The following GLIS3 variants were observed in gnomAD, a reference collection of about 807,000 sequenced individuals.
GLIS3 encodes the protein GLIS family zinc finger 3, also known as zinc finger protein GLIS3.
In GLIS3, 53 loss-of-function variants were observed where a neutral mutation model predicts 78.6. The ratio of observed to expected loss-of-function variants is 0.67; its 90% CI spans 0.54 to 0.85. The LOEUF (loss-of-function observed/expected upper bound fraction) is 0.85, where lower values mean the gene tolerates loss of function less well. Among genes scored for constraint, GLIS3 ranks in the 40% least tolerant of loss-of-function variants. The probability of loss-of-function intolerance (pLI) is 0.00; values close to 1 mark genes in which losing one functional copy is unlikely to be tolerated. For synonymous variants in GLIS3, 684 were observed against 509.9 expected (o/e 1.34, Z -4.60); for missense variants, 1,703 against 1,231.1 (o/e 1.38, Z -5.74).
At chr9:4,483,428 AGGTGTT>A in the GLIS3 span, among the ~76,000 whole-genome samples, 9 of 152,222 alleles carry the variant, frequency 5.9e-5, no homozygotes, top group East Asian at 1.4e-3. Context: ...CTTACATAAG[AGGTGTT>A]GGTGGCTGGG....
rs962336770 is a variant in GLIS3, at chr9:3,978,394, C to G, written c.1711-41205G>C. Among the ~76,000 whole-genome samples the G allele has an allele frequency of 1.3e-5, 2 of 151,944 alleles. 1 individual carries two copies. Among genetic ancestry groups the G allele is most frequent in the South Asian group, 4.1e-4 (2 of 4,822 alleles). On this transcript the variant is annotated intron_variant, in intron 4 of 10. Coordinates refer to ENST00000381971, the MANE Select transcript of GLIS3 (RefSeq NM_001042413.2). ...ACTTTGATGGGAATATGTGTGTACA[C>G]TTTTCTTTAAAAAATAAAACCATTC...
At chr9:4,416,728 T>G in the GLIS3 span, among the ~76,000 whole-genome samples, 1 of 151,910 alleles carries the variant, frequency 6.6e-6, no homozygotes, top group African/African-American at 2.4e-5. Context: ...CTTATTAAGG[T>G]TGACAGACTC....
chr9:4,264,435 T>A (rs970212882), intron 2 of GLIS3, among the ~76,000 whole-genome samples: 5 of 152,230 alleles, frequency 3.3e-5, no homozygotes, highest in Non-Finnish European at 7.3e-5. Flanking sequence ...CACGATGTCC[T>A]TTTTTAAAAT....
At chr9:4,281,878 T>G (rs1827587260) in intron 2 of GLIS3, among the ~76,000 whole-genome samples, 1 of 152,198 alleles carries the variant, frequency 6.6e-6, no homozygotes, top group African/African-American at 2.4e-5. Context: ...TATCCCTGTT[T>G]CCTTCTAAAT....
chr9:3,973,924 T>A (rs1185246675), intron 4 of GLIS3, among the ~76,000 whole-genome samples: 1 of 152,198 alleles, frequency 6.6e-6, no homozygotes, highest in Non-Finnish European at 1.5e-5. Context: ...AATTTTTTAT[T>A]GTAATCTCAA....
At chr9:4,165,168 C>T (rs912454616) in intron 2 of GLIS3, among the ~76,000 whole-genome samples, 2 of 152,118 alleles carry the variant, frequency 1.3e-5, no homozygotes, top group African/African-American at 2.4e-5. Flanking sequence ...TGGCCGAGCA[C>T]GATGGCTCAC....
chr9:4,196,087 C>A (rs1023801431), intron 2 of GLIS3, among the ~76,000 whole-genome samples: 1 of 152,138 alleles, frequency 6.6e-6, no homozygotes, highest in Non-Finnish European at 1.5e-5. Context: ...AGCACTCTGT[C>A]TAGCTCAAGG....
chr9:4,053,417 C>T (rs1010329715), intron 4 of GLIS3, among the ~76,000 whole-genome samples: 25 of 152,080 alleles, frequency 1.6e-4, no homozygotes, highest in African/African-American at 5.8e-4. Context: ...ACTTTGCTGA[C>T]ATCATTGTTT....
At chr9:3,857,785 G>C (rs1028123760) in intron 8 of GLIS3, among the ~76,000 whole-genome samples, 1 of 152,182 alleles carries the variant, frequency 6.6e-6, no homozygotes, top group East Asian at 1.9e-4. Context: ...TAGCTTGAGA[G>C]AAAACACAGC....
At chr9:4,200,118 G>T (rs1436792123) in intron 2 of GLIS3, among the ~76,000 whole-genome samples, 1 of 152,210 alleles carries the variant, frequency 6.6e-6, no homozygotes, top group Non-Finnish European at 1.5e-5. Context: ...TGAAAACAGA[G>T]ATACAGCATA....
chr9:4,203,302 T>C (rs774049696), intron 2 of GLIS3, among the ~76,000 whole-genome samples: 12 of 152,068 alleles, frequency 7.9e-5, no homozygotes, highest in Admixed American at 2.6e-4. Context: ...AGAATGGCTG[T>C]TATTAAAAAG....
intron 2 of GLIS3, among the ~76,000 whole-genome samples, chr9:4,344,743 C>T (rs750757463): frequency 6.6e-6 from 1 of 152,206 alleles, no homozygotes; most frequent in Non-Finnish European, 1.5e-5. Flanking sequence ...TGAATTTTCT[C>T]CTCCTAAAAT....
intron 8 of GLIS3, among the ~76,000 whole-genome samples, chr9:3,869,960 G>C (rs1563796235): frequency 6.6e-6 from 1 of 152,148 alleles, no homozygotes; most frequent in Non-Finnish European, 1.5e-5. Flanking sequence ...AGCTCCAAAG[G>C]CTGGGTAACA....
chr9:4,335,472 A>G (rs139171799), intron 2 of GLIS3, among the ~76,000 whole-genome samples: 1 of 152,204 alleles, frequency 6.6e-6, no homozygotes, highest in East Asian at 1.9e-4. Context: ...CTTCTGCTCT[A>G]ATCATCTGAA....
chr9:3,974,659 T>G (rs758699372), intron 4 of GLIS3, among the ~76,000 whole-genome samples: 3 of 152,118 alleles, frequency 2.0e-5, no homozygotes, highest in Non-Finnish European at 4.4e-5. Flanking sequence ...ATTACAAGTT[T>G]AAAAGAACAG....
chr9:4,111,083 T>C (rs1032033726), intron 4 of GLIS3, among the ~76,000 whole-genome samples: 1 of 152,176 alleles, frequency 6.6e-6, no homozygotes, highest in Non-Finnish European at 1.5e-5. Flanking sequence ...GAAAAACACA[T>C]TTTAGAATCT....
chr9:4,277,442 T>C (rs146207805), intron 2 of GLIS3, among the ~76,000 whole-genome samples: 340 of 152,350 alleles, frequency 2.2e-3, no homozygotes, highest in African/African-American at 7.9e-3. Context: ...AGTTTTTGAC[T>C]TCCCAGGTTC....
intron 4 of GLIS3, among the ~76,000 whole-genome samples, chr9:4,089,397 T>C (rs1305573882): frequency 1.3e-5 from 2 of 152,214 alleles, no homozygotes; most frequent in Non-Finnish European, 2.9e-5. Flanking sequence ...TGTGTGTGTA[T>C]GTTAATAAAA....
chr9:4,009,272 C>G (rs532547447), intron 4 of GLIS3, among the ~76,000 whole-genome samples: 27 of 152,302 alleles, frequency 1.8e-4, no homozygotes, highest in African/African-American at 6.3e-4. Flanking sequence ...AAAGACAGCC[C>G]CTCAGCTGTG....
Sources: gnomAD v4.1 joint callset for allele counts (sites outside exome capture counted in the v4.1 genomes callset) on GRCh38, gnomAD v4.1.1 for gene constraint, MANE v1.5 for transcripts, NCBI Gene and HGNC (gene_info 2026-07-23, HGNC 2026-07-21) for gene names.